GPR149: variants seen among roughly 807,000 people sequenced by gnomAD.
The protein encoded by GPR149 is G protein-coupled receptor 149.
GPR149 carries 50 observed loss-of-function variants against 50.2 expected under a neutral mutation model. The ratio of observed to expected loss-of-function variants is 1.00; its 90% CI spans 0.79 to 1.26. The LOEUF is 1.26. GPR149 is among the 50% of genes most tolerant of loss of function. The probability of loss-of-function intolerance (pLI) is 0.00; values close to 1 mark genes in which losing one functional copy is unlikely to be tolerated. For missense variants in GPR149, 983 were observed against 895.4 expected (o/e 1.10, Z -1.25); for synonymous variants, 405 against 358.2 (o/e 1.13, Z -1.48).
intron 3 of GPR149, among the ~76,000 whole-genome samples, chr3:154,377,386 T>C (rs563884210): frequency 2.1e-4 from 31 of 145,606 alleles, no homozygotes; most frequent in African/African-American, 7.7e-4. Context: ...ATTATTATTA[T>C]TACTGAGTCT....
At position 154,428,765 on chromosome 3, in the gene GPR149, C is replaced by T. The variant is rs200348882; in HGVS notation, c.851G>A (p.Gly284Glu). ...VFGPGAPAAA[G>E]AEACRRENRG... ...GTTCTCACGCCTGCAGGCTTCAGCC[C>T]CAGCGGCAGCGGGCGCACCCGGTCC... The change falls in exon 1 of 4, where the codon GGG (glycine) becomes GAG (glutamate). Residue 284 changes from glycine (G) to glutamate (E), a missense_variant. Coordinates refer to ENST00000389740, the MANE Select transcript of GPR149 (RefSeq NM_001038705.3). 351 of 1,613,926 alleles carry T rather than the reference C, an allele frequency of 2.2e-4. 1 individual carries two copies. The highest frequency in any genetic ancestry group is 2.8e-4 in the Non-Finnish European group (327 of 1,180,026).
intron 3 of GPR149, among the ~76,000 whole-genome samples, chr3:154,366,871 T>C (rs1476760498): frequency 6.6e-6 from 1 of 152,232 alleles, no homozygotes; most frequent in African/African-American, 2.4e-5. Context: ...TTCTTGAAAC[T>C]GTTCCCCAGG....
intron 3 of GPR149, among the ~76,000 whole-genome samples, chr3:154,382,589 T>C (rs115426672): frequency 1.3e-3 from 192 of 152,340 alleles, no homozygotes; most frequent in African/African-American, 4.2e-3. Context: ...ATATCTTCAA[T>C]TAATATATTT....
At chr3:154,349,088 A>G (rs1280625296) in intron 3 of GPR149, among the ~76,000 whole-genome samples, 1 of 152,152 alleles carries the variant, frequency 6.6e-6, no homozygotes, top group Non-Finnish European at 1.5e-5. Flanking sequence ...AAAATACAAC[A>G]TATTGAAATT....
In GPR149 at chr3:154,429,493, A is replaced by G. The variant is rs1277648483; in HGVS notation, c.123T>C (p.Cys41=). The G allele has an allele frequency of 1.9e-6, 3 of 1,614,088 alleles. No homozygotes were observed. Among genetic ancestry groups the G allele is most frequent in the Non-Finnish European group, 2.5e-6 (3 of 1,180,044 alleles). ...CCACCAAGGCTGCAAAAGTCATGAG[A>G]CATGTCAAGCAAAAAAGATAGATAT... is the stretch of plus-strand genomic sequence containing the variant. ...TLNIYLFCLT[C]LMTFAALVGS... is the part of the protein sequence containing the mutation. Residue 41 remains cysteine (C), a synonymous_variant, in exon 1 of 4, where the codon TGT becomes TGC. Transcript: ENST00000389740.
intron 3 of GPR149, among the ~76,000 whole-genome samples, chr3:154,382,487 A>G (rs757958500): frequency 6.6e-6 from 1 of 152,216 alleles, no homozygotes; most frequent in Admixed American, 6.5e-5. Flanking sequence ...CAATTTGCAG[A>G]AAGCTAATTC....
chr3:154,400,979 A>T (rs2108418105), intron 3 of GPR149, among the ~76,000 whole-genome samples: 1 of 152,324 alleles, frequency 6.6e-6, no homozygotes, highest in African/African-American at 2.4e-5. Context: ...ATATTATAGA[A>T]TTTTTTGTTG....
intron 3 of GPR149, 102 bp downstream of exon 3, chr3:154,420,937 T>C: frequency 1.2e-6 from 1 of 809,276 alleles, no homozygotes. Context: ...GTGAAGTTAA[T>C]GTTGGGCTTG....
intron 3 of GPR149, among the ~76,000 whole-genome samples, chr3:154,382,780 TTTTAA>T (rs1347035532): frequency 2.6e-5 from 4 of 152,216 alleles, no homozygotes; most frequent in African/African-American, 7.2e-5. Context: ...TTCAATATTG[TTTTAA>T]TTTAATATAC....
At chr3:154,370,957 A>G (rs1714651044) in intron 3 of GPR149, among the ~76,000 whole-genome samples, 1 of 152,172 alleles carries the variant, frequency 6.6e-6, no homozygotes, top group East Asian at 1.9e-4. Context: ...TATGGGGAAC[A>G]AATTACCTAT....
At chr3:154,410,671 T>C (rs1711809618) in intron 3 of GPR149, among the ~76,000 whole-genome samples, 1 of 152,124 alleles carries the variant, frequency 6.6e-6, no homozygotes, top group South Asian at 2.1e-4. Context: ...CACCTAACAC[T>C]GGAGCTCCCA....
intron 3 of GPR149, among the ~76,000 whole-genome samples, chr3:154,416,327 G>T (rs982294682): frequency 2.0e-5 from 3 of 151,726 alleles, no homozygotes; most frequent in Non-Finnish European, 4.4e-5. Flanking sequence ...TTTGATTATA[G>T]GTCTGAGGTG....
chr3:154,343,409 G>A (rs1713850542), intron 3 of GPR149, among the ~76,000 whole-genome samples: 1 of 152,088 alleles, frequency 6.6e-6, no homozygotes, highest in Non-Finnish European at 1.5e-5. Flanking sequence ...AGGTAGTGAG[G>A]GAGGCAGAGA....
At chr3:154,362,922 A>C (rs1001216101) in intron 3 of GPR149, among the ~76,000 whole-genome samples, 1 of 152,218 alleles carries the variant, frequency 6.6e-6, no homozygotes, top group Admixed American at 6.5e-5. Context: ...GGCTATTTAG[A>C]GGTATTCCAT....
chr3:154,402,759 A>G (rs1711578290), intron 3 of GPR149, among the ~76,000 whole-genome samples: 1 of 152,184 alleles, frequency 6.6e-6, no homozygotes, highest in Admixed American at 6.5e-5. Context: ...TTCTCACTGA[A>G]GTACAGCTAA....
chr3:154,395,884 G>A (rs1283692912), intron 3 of GPR149, among the ~76,000 whole-genome samples: 1 of 152,144 alleles, frequency 6.6e-6, no homozygotes, highest in African/African-American at 2.4e-5. Context: ...TTTAATATTT[G>A]AAAGTGTATA....
intron 3 of GPR149, among the ~76,000 whole-genome samples, chr3:154,405,403 A>G (rs1390342559): frequency 6.6e-6 from 1 of 151,984 alleles, no homozygotes; most frequent in Admixed American, 6.6e-5. Flanking sequence ...CCTGGCTAAC[A>G]CGGTGAAATC....
intron 3 of GPR149, among the ~76,000 whole-genome samples, chr3:154,408,710 G>C (rs978894448): frequency 2.6e-5 from 4 of 152,302 alleles, no homozygotes; most frequent in Middle Eastern, 3.4e-3. Context: ...GCTCAGACAT[G>C]CCTATCCCTG....
chr3:154,348,353 T>A (rs569393362), intron 3 of GPR149, among the ~76,000 whole-genome samples: 1 of 152,092 alleles, frequency 6.6e-6, no homozygotes, highest in African/African-American at 2.4e-5. Context: ...TTATATATTG[T>A]CTATAAGAAA....
Sources: allele counts gnomAD v4.1 joint callset (sites outside exome capture counted in the v4.1 genomes callset), GRCh38; gene constraint gnomAD v4.1.1; transcripts MANE v1.5; gene names NCBI Gene and HGNC (gene_info 2026-07-23, HGNC 2026-07-21).